The following USP32 variants were observed in gnomAD, a reference collection of about 807,000 sequenced individuals.
The protein encoded by USP32 is ubiquitin specific peptidase 32.
USP32 carries 59 observed loss-of-function variants against 204.8 expected under a neutral mutation model. That is an observed-to-expected ratio of 0.29 (90% confidence interval 0.23 to 0.36). The LOEUF is 0.36. USP32 is among the 10% of genes least tolerant of loss of function. The probability of loss-of-function intolerance (pLI) is 1.00; values close to 1 mark genes in which losing one functional copy is unlikely to be tolerated. For missense variants in USP32, 1,160 were observed against 1,946.4 expected, an observed-to-expected ratio of 0.60 and a Z score of 7.60; for synonymous variants, 517 against 678.4, an observed-to-expected ratio of 0.76 and a Z score of 3.70.
At chr17:60,250,384 G>T (rs1466817276) in intron 11 of USP32, among the ~76,000 whole-genome samples, 1 of 151,726 alleles carries the variant, frequency 6.6e-6, no homozygotes, top group Non-Finnish European at 1.5e-5. Context: ...ATAAATATAG[G>T]CTATAAAGCA....
At chr17:60,391,832 T>C in intron 1 of USP32, 50 bp downstream of exon 1, 1 of 1,521,522 alleles carries the variant, frequency 6.6e-7, no homozygotes, top group East Asian at 2.4e-5. Context: ...CCCTCCAGGC[T>C]GCCCGTCGCG....
intron 11 of USP32, among the ~76,000 whole-genome samples, chr17:60,244,128 C>G (rs1444533451): frequency 6.7e-6 from 1 of 150,042 alleles, no homozygotes; most frequent in Non-Finnish European, 1.5e-5. Flanking sequence ...CCCCGCCTCC[C>G]GGGTTCACGC....
At chr17:60,346,115 A>T (rs995176858) in intron 1 of USP32, among the ~76,000 whole-genome samples, 26 of 148,242 alleles carry the variant, frequency 1.8e-4, no homozygotes, top group Admixed American at 1.6e-3. Context: ...AATAAGTATA[A>T]TTTTTTTTTT....
chr17:60,345,273 G>GA (rs2088758696), intron 2 of USP32, among the ~76,000 whole-genome samples: 1 of 152,262 alleles, frequency 6.6e-6, no homozygotes, highest in Admixed American at 6.5e-5. Flanking sequence ...AAGTACAAAA[G>GA]AAACAGAATT....
At chr17:60,304,362 ATT>A (rs546798961) in intron 2 of USP32, among the ~76,000 whole-genome samples, 3 of 145,424 alleles carry the variant, frequency 2.1e-5, no homozygotes, top group Admixed American at 6.9e-5. Context: ...TTATTTTTTT[ATT>A]TTTTTTTTTT....
intron 2 of USP32, among the ~76,000 whole-genome samples, chr17:60,324,460 C>T (rs2088184228): frequency 6.6e-6 from 1 of 151,918 alleles, no homozygotes; most frequent in African/African-American, 2.4e-5. Flanking sequence ...TTCCCCTACC[C>T]CTGAGATCAA....
intron 26 of USP32, 87 bp from the exon 27 acceptor site, chr17:60,198,531 G>C: frequency 6.8e-7 from 1 of 1,475,330 alleles, no homozygotes; most frequent in Non-Finnish European, 9.3e-7. Flanking sequence ...GCCAATGACA[G>C]GCACTATCAC....
At chr17:60,305,190 G>C (rs894154422) in intron 2 of USP32, 7 of 152,128 alleles carry the variant, frequency 4.6e-5, no homozygotes, top group African/African-American at 1.7e-4. Context: ...TTTGGCTCAC[G>C]GTTCTGCAGC....
intron 13 of USP32, among the ~76,000 whole-genome samples, chr17:60,225,789 T>TA (rs1381219807): frequency 2.6e-5 from 4 of 151,468 alleles, no homozygotes; most frequent in Admixed American, 6.6e-5. Flanking sequence ...CCATCTCTAC[T>TA]AAAAAAATAC....
chr17:60,298,451 C>T (rs1466926717), intron 3 of USP32, among the ~76,000 whole-genome samples: 1 of 152,060 alleles, frequency 6.6e-6, no homozygotes, highest in Non-Finnish European at 1.5e-5. Context: ...CACATCCTCC[C>T]ATATATTTTA....
At chr17:60,286,099 G>A (rs957252719) in intron 5 of USP32, among the ~76,000 whole-genome samples, 1 of 147,496 alleles carries the variant, frequency 6.8e-6, no homozygotes, top group South Asian at 2.1e-4. Context: ...TCACATCACT[G>A]CACTCCAGCC....
intron 1 of USP32, among the ~76,000 whole-genome samples, chr17:60,363,386 T>TGGA (rs2089249547): frequency 7.7e-6 from 1 of 130,056 alleles, no homozygotes; most frequent in South Asian, 2.7e-4. Context: ...ACCCGGGAGG[T>TGGA]GGAGGTTGCA....
chr17:60,237,657 A>G (rs1295538623), intron 11 of USP32, among the ~76,000 whole-genome samples: 1 of 152,142 alleles, frequency 6.6e-6, no homozygotes, highest in Non-Finnish European at 1.5e-5. Flanking sequence ...CCTGTTCTGG[A>G]TATTTCATGT....
intron 4 of USP32, among the ~76,000 whole-genome samples, chr17:60,291,052 T>A (rs117273931): frequency 6.0e-4 from 92 of 152,302 alleles, no homozygotes; most frequent in African/African-American, 2.0e-3. Context: ...CAGAAGACAC[T>A]ATTATTATCC....
chr17:60,385,509 C>T (rs537194997), intron 1 of USP32, among the ~76,000 whole-genome samples: 1 of 151,370 alleles, frequency 6.6e-6, no homozygotes, highest in African/African-American at 2.4e-5. Context: ...TGCGCCACTA[C>T]ACTCCAACCT....
chr17:60,313,980 G>C (rs975833219), intron 2 of USP32, among the ~76,000 whole-genome samples: 2 of 150,986 alleles, frequency 1.3e-5, no homozygotes, highest in Non-Finnish European at 2.9e-5. Flanking sequence ...ATAAAAACTG[G>C]TATACAAGAA....
chr17:60,249,873 T>A, intron 11 of USP32: 1 of 520,992 alleles, frequency 1.9e-6, no homozygotes, highest in Non-Finnish European at 3.5e-6. Flanking sequence ...AACAACGTAC[T>A]GACTGTAAGT....
chr17:60,343,201 T>C (rs1039102939), intron 2 of USP32, among the ~76,000 whole-genome samples: 2 of 152,120 alleles, frequency 1.3e-5, no homozygotes, highest in African/African-American at 4.8e-5. Context: ...ACAATAATAA[T>C]GGGAGACTTT....
intron 28 of USP32, among the ~76,000 whole-genome samples, chr17:60,192,389 AC>A (rs1188808507): frequency 6.6e-6 from 1 of 152,210 alleles, no homozygotes; most frequent in East Asian, 1.9e-4. Flanking sequence ...AGTTTATAAA[AC>A]CAGCTAAATC....
Sources: gnomAD v4.1 joint callset for allele counts (sites outside exome capture counted in the v4.1 genomes callset) on GRCh38, gnomAD v4.1.1 for gene constraint, MANE v1.5 for transcripts, NCBI Gene and HGNC (gene_info 2026-07-23, HGNC 2026-07-21) for gene names.